Variants in LIMCH1 observed in about 807,000 individuals in gnomAD.
The protein encoded by LIMCH1 is LIM and calponin homology domains 1, also known as LIM and calponin homology domains-containing protein 1.
LIMCH1 carries 113 observed loss-of-function variants against 176.5 expected under a neutral mutation model. That is an observed-to-expected ratio of 0.64 (90% CI 0.55 to 0.75). The LOEUF is 0.75. LIMCH1 is among the 30% of genes least tolerant of loss of function. The pLI is 0.00. For synonymous variants in LIMCH1, 619 were observed against 645.9 expected (o/e 0.96, Z 0.63); for missense variants, 1,674 against 1,814.9 (o/e 0.92, Z 1.41).
At position 41,426,063 on chromosome 4, in the gene LIMCH1, C is replaced by A. The variant is rs554831120; in HGVS notation, c.96+65127C>A. Among the ~76,000 whole-genome samples, 215 of 145,312 alleles carry A rather than the reference C, an allele frequency of 1.5e-3. 1 individual carries two copies. Among genetic ancestry groups the A allele is most frequent in the Non-Finnish European group, 2.8e-3 (188 of 66,968 alleles). ...TTGAGACGGAGTCTCGCTCTGTCGC[C>A]CAGGCTGGAGTGCAGTGGCGGGATC... On this transcript the variant is annotated intron_variant, in intron 1 of 26. Transcript: ENST00000313860.
At chr4:41,369,313 C>A (rs13142413) in intron 1 of LIMCH1, among the ~76,000 whole-genome samples, 22,839 of 152,050 alleles carry the variant, frequency 0.15, 2,015 homozygotes, top group Admixed American at 0.22. Flanking sequence ...CTGGGAAACC[C>A]TTTCTGACAT....
At chr4:41,660,799 A>G (rs1292526721) in intron 18 of LIMCH1, among the ~76,000 whole-genome samples, 1 of 152,226 alleles carries the variant, frequency 6.6e-6, no homozygotes, top group Non-Finnish European at 1.5e-5. Flanking sequence ...GTAATTCAGC[A>G]CAAGTGGAGG....
rs933760537 is a variant in LIMCH1 at position 41,411,551 on chromosome 4, A to C, written c.96+50615A>C. ...AGGAAGTTCCCTTGAAGCTTTAAGC[A>C]ACCAAACCTGACTTTTTCCTCTCTC... On this transcript the variant is annotated intron_variant, in intron 1 of 26. Coordinates refer to the LIMCH1 transcript ENST00000313860. 6.6e-5 allele frequency among the ~76,000 whole-genome samples: 10 copies of C among 152,136 alleles called. No individual in the cohort carries two copies. In the East Asian group the frequency reaches 1.9e-3, roughly 29 times the overall value.
chr4:41,470,151 A>G (rs567924113), intron 1 of LIMCH1, among the ~76,000 whole-genome samples: 2 of 152,120 alleles, frequency 1.3e-5, no homozygotes, highest in South Asian at 2.1e-4. Flanking sequence ...TCAGTTCACC[A>G]TCCTCACTCT....
chr4:41,651,900 A>G (rs548344207), intron 18 of LIMCH1, among the ~76,000 whole-genome samples: 1 of 152,258 alleles, frequency 6.6e-6, no homozygotes, highest in South Asian at 2.1e-4. Flanking sequence ...TCCATCTCTC[A>G]CCAGAAAGAC....
At chr4:41,423,056 C>G (rs1195685157) in intron 1 of LIMCH1, among the ~76,000 whole-genome samples, 1 of 152,186 alleles carries the variant, frequency 6.6e-6, no homozygotes, top group African/African-American at 2.4e-5. Context: ...CCGTACCCAG[C>G]CTGGGGATTT....
In LIMCH1 at chr4:41,687,935, G is replaced by A. The variant is rs1297328927; in HGVS notation, c.4166+18G>A. 12 of 1,599,720 alleles carry A rather than the reference G, an allele frequency of 7.5e-6. No homozygotes were observed. Among genetic ancestry groups the A allele is most frequent in the Non-Finnish European group, 1.0e-5 (12 of 1,167,392 alleles). On this transcript the variant is annotated intron_variant, in intron 29 of 31. Coordinates refer to ENST00000503057, the MANE Select transcript of LIMCH1 (RefSeq NM_001330672.2). ...CCAAACAGGTACAAGAGGTCAGCAG[G>A]CCTTTCTGAGGCTGCTTTGTTATGA... is the stretch of plus-strand genomic sequence containing the variant.
chr4:41,613,613 T>A lies in LIMCH1; in HGVS notation c.157T>A (p.Ser53Thr). Residue 53 changes from serine (S) to threonine (T), a missense_variant, in exon 5 of 32, where the codon TCT (serine) becomes ACT (threonine). This residue lies in a region of LIMCH1 where 655 missense variants were observed against 692.2 expected (regional missense o/e 0.95). Coordinates refer to ENST00000503057, the MANE Select transcript of LIMCH1 (RefSeq NM_001330672.2). ...FDSLDSFGSR[S>T]RQTPSPDVVL... The stretch of plus-strand genomic sequence containing the variant: ...CAGCCTGGATTCCTTTGGCTCTCGC[T>A]CTCGGCAGACGCCTTCACCAGATGT... The A allele has an allele frequency of 1.9e-6, 3 of 1,614,142 alleles. No individual in the cohort carries two copies. Among genetic ancestry groups the A allele is most frequent in the Non-Finnish European group, 2.5e-6 (3 of 1,180,018 alleles).
Position 41,419,608 on chromosome 4 carries a change from T to TTCC in LIMCH1, c.96+58674_96+58676dup, listed in dbSNP as rs1554039897. The stretch of plus-strand genomic sequence containing the variant: ...CTTCCTTCCTTCCTTCCTTCCGTCC[T>TTCC]TCCTTCCTTCCTTCCTTCCTTCCTT... On this transcript the variant is annotated intron_variant, in intron 1 of 26. Transcript: ENST00000313860. 2.3e-3 allele frequency among the ~76,000 whole-genome samples: 125 copies of TTCC among 53,534 alleles called. 13 individuals carry two copies. The highest frequency in any genetic ancestry group is 0.011 in the African/African-American group (61 of 5,326). The allele number at this position is 53,534 out of a possible 152,430, so 35.1% of individuals were successfully genotyped here. A position where few individuals can be genotyped will look rare whatever the true frequency, so the allele number is the denominator to read the frequency against.
intron 1 of LIMCH1, among the ~76,000 whole-genome samples, chr4:41,364,024 A>C (rs1446999065): frequency 6.6e-6 from 1 of 152,154 alleles, no homozygotes; most frequent in Non-Finnish European, 1.5e-5. Flanking sequence ...TTGAGTCCAG[A>C]GTCTGTTACT....
chr4:41,452,976 T>A (rs2064080047), intron 1 of LIMCH1, among the ~76,000 whole-genome samples: 1 of 152,166 alleles, frequency 6.6e-6, no homozygotes. Flanking sequence ...AATATTTGAG[T>A]GAATACTTCA....
At position 41,599,896 on chromosome 4, in the gene LIMCH1, T is replaced by A. The variant is rs183617910; in HGVS notation, c.-134+870T>A. Among the ~76,000 whole-genome samples, 130 of 152,342 alleles carry A rather than the reference T, an allele frequency of 8.5e-4. 1 individual carries two copies. The Middle Eastern group carries it at 0.017, about 20-fold the overall frequency. On this transcript the variant is annotated intron_variant, in intron 2 of 31. Coordinates refer to ENST00000503057, the MANE Select transcript of LIMCH1 (RefSeq NM_001330672.2). ...TTATACAATTTGCTTGATTTTATAC[T>A]ATTTGCTTGATTTTTATATTATATT...
intron 1 of LIMCH1, among the ~76,000 whole-genome samples, chr4:41,572,579 A>G (rs2083734500): frequency 6.6e-6 from 1 of 152,206 alleles, no homozygotes; most frequent in Non-Finnish European, 1.5e-5. Flanking sequence ...GCAAATTTTA[A>G]ATGAGTAATG....
chr4:41,509,738 G>A (rs1012285265), intron 2 of LIMCH1, among the ~76,000 whole-genome samples: 3 of 152,198 alleles, frequency 2.0e-5, no homozygotes, highest in Admixed American at 1.3e-4. Context: ...GAACATGGAA[G>A]GTGAATATGC....
chr4:41,642,172 T>C (rs193238582), intron 14 of LIMCH1, among the ~76,000 whole-genome samples: 194 of 152,280 alleles, frequency 1.3e-3, no homozygotes, highest in African/African-American at 4.4e-3. Context: ...GGACCTCTTT[T>C]CTCTCCCATA....
intron 1 of LIMCH1, among the ~76,000 whole-genome samples, chr4:41,576,886 GA>G (rs1452040604): frequency 1.3e-5 from 2 of 152,136 alleles, no homozygotes; most frequent in Non-Finnish European, 2.9e-5. Context: ...TACATATAAG[GA>G]GATTCATAAG....
chr4:41,647,008 T>C (rs746282567), intron 17 of LIMCH1, 115 bp downstream of exon 17: 12 of 998,846 alleles, frequency 1.2e-5, no homozygotes, highest in Non-Finnish European at 1.6e-5. Context: ...AAAAATGTGT[T>C]GACATTTACA....
intron 8 of LIMCH1, among the ~76,000 whole-genome samples, chr4:41,627,282 G>A (rs2093030322): frequency 6.6e-6 from 1 of 152,150 alleles, no homozygotes; most frequent in African/African-American, 2.4e-5. Context: ...ATTCCAGTGT[G>A]TAGATGTGCT....
intron 1 of LIMCH1, among the ~76,000 whole-genome samples, chr4:41,480,330 C>T (rs887638846): frequency 3.9e-5 from 6 of 152,054 alleles, no homozygotes; most frequent in African/African-American, 9.7e-5. Flanking sequence ...AAGAACTGGC[C>T]GGGTGCAGTG....
Sources: allele counts gnomAD v4.1 joint callset (sites outside exome capture counted in the v4.1 genomes callset), GRCh38; gene constraint gnomAD v4.1.1; regional missense constraint gnomAD v4.1.1; transcripts MANE v1.5; gene names NCBI Gene and HGNC (gene_info 2026-07-23, HGNC 2026-07-21).